The following EPM2A variants were observed in gnomAD, a reference collection of about 807,000 sequenced individuals.
The protein encoded by EPM2A is laforin.
In EPM2A, 21 loss-of-function variants were observed where a neutral mutation model predicts 26.5. That is an observed-to-expected ratio of 0.79 (90% CI 0.56 to 1.14). EPM2A has a LOEUF of 1.14. EPM2A is among the 50% of genes most tolerant of loss of function. The pLI, the probability that EPM2A is intolerant of heterozygous loss-of-function variation, is 0.00. For missense variants in EPM2A, 458 were observed against 440.8 expected (o/e 1.04, Z -0.35); for synonymous variants, 217 against 177.6 (o/e 1.22, Z -1.76).
At chr6:145,497,189 A>G (rs1162010735), downstream of EPM2A, among the ~76,000 whole-genome samples, 2 of 152,130 alleles carry the variant, frequency 1.3e-5, no homozygotes, top group East Asian at 3.9e-4. Context: ...ATTCTTTTGC[A>G]TATTTGTGGG....
chr6:145,601,303 T>C (rs1781414287), intron 2 of EPM2A, among the ~76,000 whole-genome samples: 1 of 152,092 alleles, frequency 6.6e-6, no homozygotes, highest in African/African-American at 2.4e-5. Flanking sequence ...TTCCCCTTTT[T>C]ATTTATTTGT....
At chr6:145,638,169 CTT>C (rs1776835625) in intron 2 of EPM2A, 1 of 152,114 alleles carries the variant, frequency 6.6e-6, no homozygotes, top group African/African-American at 2.4e-5. Flanking sequence ...ATATTGCACT[CTT>C]TGAGTGGGTA....
At chr6:145,614,336 C>T (rs1255711996) in intron 2 of EPM2A, among the ~76,000 whole-genome samples, 1 of 152,222 alleles carries the variant, frequency 6.6e-6, no homozygotes, top group Admixed American at 6.5e-5. Context: ...ATCTAGACCA[C>T]TAAAACTTTC....
rs9497321 is a variant in EPM2A at position 145,475,698 on chromosome 6, A to G, written c.555+26824T>C. On this transcript the variant is annotated intron_variant, in intron 4 of 4. Transcript: ENST00000638717. The stretch of plus-strand genomic sequence containing the variant: ...TTTCTTTCTGTTTGTTCATTTGTTT[A>G]TGCAAATAGTGTTAAGTAGTTATCA... Among the ~76,000 whole-genome samples, 803 of 152,174 alleles carry G rather than the reference A, an allele frequency of 5.3e-3. 4 individuals are homozygous for G. The highest frequency in any genetic ancestry group is 0.019 in the African/African-American group (769 of 41,522).
chr6:145,723,141 A>AT (rs1481459265), intron 1 of EPM2A, among the ~76,000 whole-genome samples: 10 of 152,232 alleles, frequency 6.6e-5, no homozygotes, highest in African/African-American at 2.4e-4. Flanking sequence ...ATGCTCTAAC[A>AT]TAAATGCTGT....
intron 4 of EPM2A, among the ~76,000 whole-genome samples, chr6:145,429,058 T>C (rs79949785): frequency 0.017 from 2,560 of 152,338 alleles, 50 homozygotes; most frequent in African/African-American, 0.045. Flanking sequence ...TATTTTTAGA[T>C]AATCACTAGA....
At chr6:145,712,217 C>T (rs892352497) in intron 1 of EPM2A, among the ~76,000 whole-genome samples, 2 of 152,010 alleles carry the variant, frequency 1.3e-5, no homozygotes, top group Non-Finnish European at 2.9e-5. Context: ...CAGCAACAGA[C>T]CATCCACATC....
chr6:145,688,324 C>T (rs1052058080), intron 1 of EPM2A, among the ~76,000 whole-genome samples: 1 of 152,054 alleles, frequency 6.6e-6, no homozygotes, highest in African/African-American at 2.4e-5. Flanking sequence ...AAGGATTATG[C>T]AGATTCAAGA....
chr6:145,647,137 C>A (rs1413628608), intron 2 of EPM2A, among the ~76,000 whole-genome samples: 1 of 152,194 alleles, frequency 6.6e-6, no homozygotes, highest in Non-Finnish European at 1.5e-5. Context: ...GCATGTGAAA[C>A]CCACTCCGTA....
chr6:145,467,338 T>C (rs1411582113), intron 4 of EPM2A, among the ~76,000 whole-genome samples: 2 of 152,156 alleles, frequency 1.3e-5, no homozygotes, highest in Non-Finnish European at 2.9e-5. Flanking sequence ...TTAAATAGCC[T>C]ATTTGTTCCC....
intron 1 of EPM2A, among the ~76,000 whole-genome samples, chr6:145,728,552 G>A (rs1006387662): frequency 2.0e-5 from 3 of 152,232 alleles, no homozygotes; most frequent in Admixed American, 6.5e-5. Context: ...ACTTGAGAAA[G>A]ATGATTTAGG....
intron 4 of EPM2A, among the ~76,000 whole-genome samples, chr6:145,440,364 G>A (rs754618474): frequency 7.2e-5 from 11 of 152,198 alleles, no homozygotes; most frequent in Admixed American, 2.0e-4. Flanking sequence ...ACAACAAAAC[G>A]GAATTATGGA....
chr6:145,644,928 C>G (rs1777350563), intron 2 of EPM2A, among the ~76,000 whole-genome samples: 1 of 152,084 alleles, frequency 6.6e-6, no homozygotes, highest in African/African-American at 2.4e-5. Context: ...TACTTTATTA[C>G]TAAGTAGGAA....
chr6:145,463,600 T>G (rs1464204224), intron 4 of EPM2A, among the ~76,000 whole-genome samples: 1 of 152,142 alleles, frequency 6.6e-6, no homozygotes, highest in African/African-American at 2.4e-5. Flanking sequence ...CATGCTGGCA[T>G]ATACATGACT....
At chr6:145,608,832 G>T (rs1582893532) in intron 2 of EPM2A, among the ~76,000 whole-genome samples, 1 of 152,312 alleles carries the variant, frequency 6.6e-6, no homozygotes, top group Non-Finnish European at 1.5e-5. Context: ...TCTACTTTGG[G>T]ACAGACAACA....
intron 4 of EPM2A, among the ~76,000 whole-genome samples, chr6:145,454,209 T>A (rs1779232482): frequency 6.6e-6 from 1 of 152,328 alleles, no homozygotes; most frequent in East Asian, 1.9e-4. Context: ...AGAATAATCT[T>A]CCCAAGTGCC....
At chr6:145,597,464 T>C (rs888537678) in intron 2 of EPM2A, among the ~76,000 whole-genome samples, 13 of 145,448 alleles carry the variant, frequency 8.9e-5, no homozygotes, top group African/African-American at 3.2e-4. Flanking sequence ...ATGTGACCTG[T>C]TTATTTTTTT....
chr6:145,653,668 G>A (rs907394111), intron 2 of EPM2A, among the ~76,000 whole-genome samples: 2 of 152,162 alleles, frequency 1.3e-5, no homozygotes, highest in African/African-American at 4.8e-5. Context: ...AGGGTAGGCT[G>A]GCAGCTGGAG....
chr6:145,577,163 T>C (rs753021585), intron 2 of EPM2A, among the ~76,000 whole-genome samples: 11 of 151,876 alleles, frequency 7.2e-5, no homozygotes, highest in Non-Finnish European at 1.3e-4. Context: ...AAAATGGCAG[T>C]ACTAAGTTCT....
Sources: gnomAD v4.1 joint callset for allele counts (sites outside exome capture counted in the v4.1 genomes callset) on GRCh38, gnomAD v4.1.1 for gene constraint, MANE v1.5 for transcripts, NCBI Gene and HGNC (gene_info 2026-07-23, HGNC 2026-07-21) for gene names.